Variants in TENT2 observed in about 807,000 individuals in gnomAD.
The protein encoded by TENT2 is terminal nucleotidyltransferase 2, also known as poly(A) RNA polymerase GLD2.
Under a neutral mutation model 72.2 loss-of-function variants are expected in TENT2, and 44 were observed. That is an observed-to-expected ratio of 0.61 (90% CI 0.48 to 0.78). The LOEUF (loss-of-function observed/expected upper bound fraction) is 0.78, where lower values mean the gene tolerates loss of function less well. TENT2 is among the 30% of genes least tolerant of loss of function. TENT2 has a pLI of 0.00. For missense variants in TENT2, 541 were observed against 569.6 expected (o/e 0.95, Z 0.51); for synonymous variants, 212 against 192.5 (o/e 1.10, Z -0.84).
chr5:79,663,656 AAAC>A (rs1320220092), intron 11 of TENT2, among the ~76,000 whole-genome samples: 4 of 152,228 alleles, frequency 2.6e-5, no homozygotes, highest in Non-Finnish European at 4.4e-5. Context: ...TGGCACTCCA[AAAC>A]AATTACAGTA....
intron 12 of TENT2, among the ~76,000 whole-genome samples, chr5:79,676,308 A>G (rs1361935533): frequency 3.3e-5 from 5 of 152,072 alleles, no homozygotes; most frequent in Non-Finnish European, 7.3e-5. Context: ...GTGGTCACAA[A>G]AAGAATGGGG....
intron 7 of TENT2, among the ~76,000 whole-genome samples, chr5:79,644,349 G>A (rs1005129033): frequency 3.9e-5 from 6 of 151,998 alleles, no homozygotes; most frequent in East Asian, 1.9e-4. Context: ...AAAAAATCCC[G>A]GTACTACTTT....
intron 7 of TENT2, 131 bp downstream of exon 7, chr5:79,643,041 T>A: frequency 8.4e-7 from 1 of 1,185,484 alleles, no homozygotes; most frequent in Non-Finnish European, 1.1e-6. Flanking sequence ...TTTTTCCAAA[T>A]GAATTTCTTT....
chr5:79,622,581 C>T (rs1765968864), intron 3 of TENT2, among the ~76,000 whole-genome samples: 1 of 151,864 alleles, frequency 6.6e-6, no homozygotes, highest in Admixed American at 6.6e-5. Flanking sequence ...TTCTTTCTGC[C>T]CACCTGCTTT....
chr5:79,613,277 A>C (rs1299501073), intron 1 of TENT2, among the ~76,000 whole-genome samples: 4 of 152,200 alleles, frequency 2.6e-5, no homozygotes, highest in Non-Finnish European at 4.4e-5. Context: ...ATATGTCTCA[A>C]AACTTATGGA....
chr5:79,617,462 T>C (rs907434259), intron 1 of TENT2: 1 of 152,196 alleles, frequency 6.6e-6, no homozygotes, highest in African/African-American at 2.4e-5. Flanking sequence ...ATTTCTACTC[T>C]GTTAACAGAA....
Position 79,641,113 on chromosome 5 carries a change from CT to C in TENT2, c.596del (p.Leu199TrpfsTer6). 3.2e-6 allele frequency: 5 copies of C among 1,569,718 alleles called. No individual in the cohort carries two copies. Among genetic ancestry groups the C allele is most frequent in the Admixed American group, 4.3e-5 (2 of 46,802 alleles). Reference sequence around the variant, plus strand: ...TTCTTCTGTTTCTTTAGAAAGCAGACTTTTTTTGGTTGGGTCCTCTTTAAAT... The same window carrying C: ...TTCTTCTGTTTCTTTAGAAAGCAGACTTTTTTGGTTGGGTCCTCTTTAAAT... ...EIQLLFPQSR[L>X]FLVGSSLNGF... On this transcript the variant is annotated frameshift_variant, in exon 6 of 15. Transcript: ENST00000453514. LOFTEE classifies it high-confidence loss of function.
At chr5:79,684,601 C>G (rs1825146358) in intron 14 of TENT2, among the ~76,000 whole-genome samples, 1 of 152,190 alleles carries the variant, frequency 6.6e-6, no homozygotes, top group Non-Finnish European at 1.5e-5. Context: ...AGATGTAAGA[C>G]AGTCAATCAA....
chr5:79,629,986 A>T (rs1269200425), intron 4 of TENT2, among the ~76,000 whole-genome samples: 1 of 151,392 alleles, frequency 6.6e-6, no homozygotes. Flanking sequence ...ATACAAAAAA[A>T]TTAGCTGGGC....
chr5:79,651,606 ATTTT>A (rs753243295), intron 10 of TENT2, among the ~76,000 whole-genome samples: 1 of 151,728 alleles, frequency 6.6e-6, no homozygotes, highest in Admixed American at 6.6e-5. Context: ...ACACATTTTG[ATTTT>A]TTTTGTTTAT....
rs377216544 is a variant in TENT2, at chr5:79,612,813, C to G, written c.-300C>G. On this transcript the variant is annotated 5_prime_UTR_variant, in exon 1 of 15. Transcript: ENST00000453514. ...GGAGAGGAACGCAGCAGTGTAGGCC[C>G]AGGTCGGCGGCGGGGCACGGGAAAC... The G allele has an allele frequency of 2.6e-5, 4 of 152,236 alleles. No individual in the cohort carries two copies. Among genetic ancestry groups the G allele is most frequent in the African/African-American group, 4.8e-5 (2 of 41,362 alleles). 9.4% of individuals were successfully genotyped at this position (152,236 alleles called of 1,614,324 possible).
intron 11 of TENT2, among the ~76,000 whole-genome samples, chr5:79,661,903 G>T (rs753151404): frequency 6.6e-6 from 1 of 152,180 alleles, no homozygotes; most frequent in Non-Finnish European, 1.5e-5. Context: ...ATTGAAGTCA[G>T]TCCGCTCAAA....
At chr5:79,615,223 A>T (rs1031058334) in intron 1 of TENT2, 5 of 152,200 alleles carry the variant, frequency 3.3e-5, no homozygotes, top group Non-Finnish European at 7.4e-5. Context: ...TCTGAGCCAC[A>T]AGTCATCTTT....
Position 79,673,928 on chromosome 5 carries a change from T to TGTTAAGAAGTTTACAGTTTACA in TENT2, c.1208+4917_1208+4938dup, listed in dbSNP as rs550449169. Among the ~76,000 whole-genome samples, 20 of 152,182 alleles carry TGTTAAGAAGTTTACAGTTTACA rather than the reference T, an allele frequency of 1.3e-4. No individual in the cohort carries two copies. The South Asian group carries it at 4.2e-3, about 32-fold the overall frequency. ...AAGGGCCAAGCATTGGGTACTCTAATGTTAAGAAGTTTACAGTTTACAGTT... is the reference window on the plus strand; with the variant it reads ...AAGGGCCAAGCATTGGGTACTCTAATGTTAAGAAGTTTACAGTTTACAGTTAAGAAGTTTACAGTTTACAGTT... On this transcript the variant is annotated intron_variant, in intron 12 of 14. Coordinates refer to ENST00000453514, the MANE Select transcript of TENT2 (RefSeq NM_001114394.3).
intron 13 of TENT2, among the ~76,000 whole-genome samples, chr5:79,681,213 G>T (rs1407402366): frequency 8.2e-6 from 1 of 121,478 alleles, no homozygotes; most frequent in African/African-American, 3.2e-5. Context: ...AGGCTGGAGT[G>T]CAGTGGCGTG....
At chr5:79,630,285 G>T (rs1774218368) in intron 4 of TENT2, among the ~76,000 whole-genome samples, 1 of 152,012 alleles carries the variant, frequency 6.6e-6, no homozygotes, top group Non-Finnish European at 1.5e-5. Context: ...AAAGATGAAT[G>T]AGTTAACTAG....
At chr5:79,662,489 ATAC>A (rs1377666196) in intron 11 of TENT2, among the ~76,000 whole-genome samples, 1 of 152,178 alleles carries the variant, frequency 6.6e-6, no homozygotes, top group East Asian at 1.9e-4. Flanking sequence ...TTAAATAATA[ATAC>A]TTGAAAATGA....
chr5:79,642,379 C>G (rs114063552), intron 6 of TENT2, among the ~76,000 whole-genome samples: 1 of 152,056 alleles, frequency 6.6e-6, no homozygotes, highest in Non-Finnish European at 1.5e-5. Context: ...TATACTCAAG[C>G]ACATCCCACT....
rs1334895424 is a variant in TENT2, at chr5:79,612,624, CGGAGCT to C, written c.-486_-481del. 1.3e-5 allele frequency: 2 copies of C among 153,236 alleles called. No individual in the cohort carries two copies. Among genetic ancestry groups the C allele is most frequent in the Non-Finnish European group, 2.9e-5 (2 of 68,578 alleles). 9.5% of individuals were successfully genotyped at this position (153,236 alleles called of 1,614,324 possible). A position where few individuals can be genotyped will look rare whatever the true frequency, so the allele number is the denominator to read the frequency against. ...AGGGGGGTTAGATCTCAGCCGGAGCCGGAGCTGGGCCTAGCTGTCCCACGGGCCACC... is the reference window on the plus strand; with the variant it reads ...AGGGGGGTTAGATCTCAGCCGGAGCCGGGCCTAGCTGTCCCACGGGCCACC... On this transcript the variant is annotated 5_prime_UTR_variant, in exon 1 of 15. Transcript: ENST00000453514.
Sources: gnomAD v4.1 joint callset for allele counts (sites outside exome capture counted in the v4.1 genomes callset) on GRCh38, gnomAD v4.1.1 for gene constraint, MANE v1.5 for transcripts, NCBI Gene and HGNC (gene_info 2026-07-23, HGNC 2026-07-21) for gene names.